Variants in EYS observed in about 807,000 individuals in gnomAD.
The protein encoded by EYS is EGF-like photoreceptor maintenance factor.
Under a neutral mutation model 282.1 loss-of-function variants are expected in EYS, and 250 were observed. The observed-to-expected ratio is 0.89, with a 90% CI of 0.80 to 0.98. The LOEUF is 0.98. EYS is among the 50% of genes least tolerant of loss of function. The pLI is 0.00. For synonymous variants in EYS, 1,355 were observed against 1,282.9 expected, an observed-to-expected ratio of 1.06 and a Z score of -1.20; for missense variants, 4,016 against 3,709.0, an observed-to-expected ratio of 1.08 and a Z score of -2.15.
At chr6:63,954,636 G>A (rs1303299048) in intron 35 of EYS, among the ~76,000 whole-genome samples, 5 of 152,178 alleles carry the variant, frequency 3.3e-5, no homozygotes, top group Non-Finnish European at 7.3e-5. Context: ...ATGCTGATAA[G>A]GTAGCTAAAA....
intron 12 of EYS, among the ~76,000 whole-genome samples, chr6:65,065,435 T>C (rs562287907): frequency 6.6e-6 from 1 of 150,692 alleles, no homozygotes; most frequent in South Asian, 2.1e-4. Flanking sequence ...CAGGCTGGAG[T>C]GCAGTGGCGC....
chr6:64,143,009 AG>A (rs1774389497), intron 31 of EYS, among the ~76,000 whole-genome samples: 1 of 152,222 alleles, frequency 6.6e-6, no homozygotes, highest in Non-Finnish European at 1.5e-5. Context: ...AAAGTGAGAA[AG>A]CCATGAAAAG....
chr6:64,460,759 G>A (rs1165391277), intron 26 of EYS, among the ~76,000 whole-genome samples: 1 of 152,170 alleles, frequency 6.6e-6, no homozygotes, highest in Non-Finnish European at 1.5e-5. Context: ...TTAAGAGGAG[G>A]AGTAGAGGTG....
chr6:64,265,182 T>A (rs369042543), intron 30 of EYS, among the ~76,000 whole-genome samples: 232 of 152,268 alleles, frequency 1.5e-3, no homozygotes, highest in African/African-American at 5.2e-3. Flanking sequence ...ATGTCAAAGA[T>A]TGATAACAGT....
At chr6:65,203,860 C>A (rs1010116236) in intron 12 of EYS, among the ~76,000 whole-genome samples, 46 of 151,438 alleles carry the variant, frequency 3.0e-4, no homozygotes, top group African/African-American at 1.1e-3. Context: ...AGATAAAAGA[C>A]AAAATAGATA....
chr6:65,038,230 A>G (rs2150147667), intron 13 of EYS, among the ~76,000 whole-genome samples: 1 of 151,764 alleles, frequency 6.6e-6, no homozygotes, highest in East Asian at 1.9e-4. Flanking sequence ...TTTTAAAGAT[A>G]TAATACATTT....
At chr6:65,531,616 G>A (rs1403959601) in intron 2 of EYS, among the ~76,000 whole-genome samples, 1 of 152,102 alleles carries the variant, frequency 6.6e-6, no homozygotes, top group Non-Finnish European at 1.5e-5. Context: ...ATCCCTATGA[G>A]CAGCATAAAT....
intron 29 of EYS, among the ~76,000 whole-genome samples, chr6:64,335,864 A>G (rs1770830864): frequency 6.6e-6 from 1 of 152,122 alleles, no homozygotes; most frequent in African/African-American, 2.4e-5. Flanking sequence ...TAATTTTTGT[A>G]TCCAGCAAAA....
chr6:65,032,253 T>TACCAACCAGAAAAAGCCC (rs1456899530), intron 13 of EYS, among the ~76,000 whole-genome samples: 1 of 152,096 alleles, frequency 6.6e-6, no homozygotes, highest in Non-Finnish European at 1.5e-5. Context: ...CAGAAAAGCC[T>TACCAACCAGAAAAAGCCC]ACCAACCAGA....
At chr6:65,527,758 C>T (rs956978132) in intron 2 of EYS, among the ~76,000 whole-genome samples, 1 of 152,292 alleles carries the variant, frequency 6.6e-6, no homozygotes, top group Non-Finnish European at 1.5e-5. Flanking sequence ...AAATGAAAGT[C>T]ATTCATCCAT....
Position 65,435,529 on chromosome 6 carries a change from A to G in EYS, c.863-30162T>C, listed in dbSNP as rs527326207. On this transcript the variant is annotated intron_variant, in intron 5 of 42. Transcript: ENST00000503581. Reference sequence around the variant, plus strand: ...ATGGAATTACTAAGTAAAAAGAGAGAGATTAAATTGTTAACTTTAAAGTTA... The same window carrying G: ...ATGGAATTACTAAGTAAAAAGAGAGGGATTAAATTGTTAACTTTAAAGTTA... Among the ~76,000 whole-genome samples, 9 of 152,244 alleles carry G rather than the reference A, an allele frequency of 5.9e-5. 1 individual carries two copies. The highest frequency in any genetic ancestry group is 2.2e-4 in the African/African-American group (9 of 41,566).
At chr6:65,129,417 G>T in intron 12 of EYS, among the ~76,000 whole-genome samples, 1 of 151,564 alleles carries the variant, frequency 6.6e-6, no homozygotes, top group Non-Finnish European at 1.5e-5. Flanking sequence ...TGCAAACTAT[G>T]CATTTAATGA....
intron 35 of EYS, among the ~76,000 whole-genome samples, chr6:63,984,004 T>A (rs938978715): frequency 6.6e-6 from 1 of 151,344 alleles, no homozygotes; most frequent in Non-Finnish European, 1.5e-5. Context: ...AAAAAACAAA[T>A]ATAAAAATTA....
chr6:65,327,973 G>A lies in EYS; in HGVS notation c.1766+7007C>T, dbSNP rs564174701. 4.6e-5 allele frequency among the ~76,000 whole-genome samples: 7 copies of A among 151,328 alleles called. No homozygotes were observed. The East Asian group carries it at 5.8e-4, about 13-fold the overall frequency. On this transcript the variant is annotated intron_variant, in intron 11 of 42. Transcript: ENST00000503581. Reference sequence around the variant, plus strand: ...ACATAAAAAATTTATTCCTGATATAGTCAATGATTATTAAAATTGTGTAAA... The same window carrying A: ...ACATAAAAAATTTATTCCTGATATAATCAATGATTATTAAAATTGTGTAAA...
intron 12 of EYS, among the ~76,000 whole-genome samples, chr6:65,146,458 T>C (rs938937367): frequency 1.3e-5 from 2 of 151,996 alleles, no homozygotes; most frequent in African/African-American, 4.8e-5. Flanking sequence ...CATCATGGTT[T>C]CCTGTTCTTC....
At chr6:65,213,992 G>A (rs956371427) in intron 12 of EYS, among the ~76,000 whole-genome samples, 6 of 151,172 alleles carry the variant, frequency 4.0e-5, no homozygotes, top group African/African-American at 1.2e-4. Flanking sequence ...AATCCCGTCC[G>A]TACTAAAATA....
chr6:64,154,164 G>C (rs938408079), intron 31 of EYS, among the ~76,000 whole-genome samples: 5 of 152,128 alleles, frequency 3.3e-5, no homozygotes, highest in Non-Finnish European at 5.9e-5. Context: ...TGCCAGGCTG[G>C]GAGCGGTGGC....
chr6:64,321,920 TAAATC>T (rs1035134009), intron 29 of EYS, among the ~76,000 whole-genome samples: 1 of 152,008 alleles, frequency 6.6e-6, no homozygotes. Context: ...TGGTGATACT[TAAATC>T]AATTTTATTT....
chr6:64,493,028 G>C (rs1207891263), intron 26 of EYS, among the ~76,000 whole-genome samples: 2 of 151,334 alleles, frequency 1.3e-5, no homozygotes, highest in Admixed American at 1.3e-4. Context: ...AACACCTGGA[G>C]CAATCTTAAG....
Sources: allele counts gnomAD v4.1 joint callset (sites outside exome capture counted in the v4.1 genomes callset), GRCh38; gene constraint gnomAD v4.1.1; transcripts MANE v1.5; gene names NCBI Gene and HGNC (gene_info 2026-07-23, HGNC 2026-07-21).